KLB: variants seen among roughly 807,000 people sequenced by gnomAD.
KLB encodes beta-klotho.
In KLB, 44 loss-of-function variants were observed where a neutral mutation model predicts 88.4. The observed-to-expected ratio is 0.50, with a 90% confidence interval of 0.39 to 0.64. The LOEUF (loss-of-function observed/expected upper bound fraction) is 0.64, where lower values mean the gene tolerates loss of function less well. Among genes scored for constraint, KLB ranks in the 30% least tolerant of loss-of-function variants. The pLI, the probability that KLB is intolerant of heterozygous loss-of-function variation, is 0.00. For missense variants in KLB, 1,137 were observed against 1,304.8 expected, an observed-to-expected ratio of 0.87 and a Z score of 1.98; for synonymous variants, 548 against 513.4, an observed-to-expected ratio of 1.07 and a Z score of -0.91.
At chr4:39,448,087 T>A (rs1743800731) in intron 4 of KLB, among the ~76,000 whole-genome samples, 1 of 152,172 alleles carries the variant, frequency 6.6e-6, no homozygotes, top group African/African-American at 2.4e-5. Context: ...ATGGATCAAG[T>A]TTCACTACAA....
At chr4:39,439,723 A>G (rs1743556453) in intron 3 of KLB, among the ~76,000 whole-genome samples, 1 of 150,582 alleles carries the variant, frequency 6.6e-6, no homozygotes. Context: ...GCTGGAGTGC[A>G]ATGGTGCAAT....
chr4:39,423,964 A>G (rs1300901494), intron 1 of KLB, among the ~76,000 whole-genome samples: 2 of 151,924 alleles, frequency 1.3e-5, no homozygotes, highest in Non-Finnish European at 2.9e-5. Context: ...CTTGAGTTTG[A>G]GACCAGCCTG....
intron 1 of KLB, among the ~76,000 whole-genome samples, chr4:39,416,487 T>C (rs868626796): frequency 6.6e-6 from 1 of 152,168 alleles, no homozygotes; most frequent in Non-Finnish European, 1.5e-5. Context: ...GTATTTAAAC[T>C]GCAAAAACAA....
At chr4:39,420,851 T>C (rs370157741) in intron 1 of KLB, among the ~76,000 whole-genome samples, 1 of 150,862 alleles carries the variant, frequency 6.6e-6, no homozygotes, top group East Asian at 2.0e-4. Flanking sequence ...TGCATTTGTA[T>C]TGCAAAACAT....
At position 39,434,727 on chromosome 4, in the gene KLB, T is replaced by C. The variant is rs1743433822; in HGVS notation, c.1336+7T>C. The C allele has an allele frequency of 6.3e-7, 1 of 1,576,690 alleles. No homozygotes were observed. Among genetic ancestry groups the C allele is most frequent in the African/African-American group, 1.4e-5 (1 of 72,792 alleles). On this transcript the variant is annotated splice_region_variant and intron_variant, in intron 2 of 4. Coordinates refer to ENST00000257408, the MANE Select transcript of KLB (RefSeq NM_175737.4). ...CTCAGCCAGGTGCTTCAAGGTTGGTTGTACACTTGCTTAATTTTTTAAAAA... is the reference window on the plus strand; with the variant it reads ...CTCAGCCAGGTGCTTCAAGGTTGGTCGTACACTTGCTTAATTTTTTAAAAA...
intron 1 of KLB, among the ~76,000 whole-genome samples, chr4:39,413,169 A>G (rs1336743849): frequency 6.6e-6 from 1 of 152,118 alleles, no homozygotes; most frequent in Non-Finnish European, 1.5e-5. Flanking sequence ...CTCTCTCCCA[A>G]GTTTAGTTTT....
At chr4:39,430,994 G>A (rs932702821) in intron 1 of KLB, among the ~76,000 whole-genome samples, 2 of 150,730 alleles carry the variant, frequency 1.3e-5, no homozygotes, top group Non-Finnish European at 2.9e-5. Flanking sequence ...TCAGCTCACT[G>A]CAACCTCCGC....
intron 3 of KLB, among the ~76,000 whole-genome samples, chr4:39,439,870 G>A (rs12507413): frequency 0.48 from 72,228 of 151,802 alleles, 17,580 homozygotes; most frequent in Non-Finnish European, 0.5. Flanking sequence ...GTTTCACCAT[G>A]TTGGCCAAAC....
chr4:39,435,849 T>G (rs1431769694), intron 2 of KLB, among the ~76,000 whole-genome samples: 4 of 152,260 alleles, frequency 2.6e-5, no homozygotes, highest in Admixed American at 2.6e-4. Context: ...AAGATGCTGT[T>G]TCATTCCTTA....
chr4:39,416,611 G>T (rs750236108), intron 1 of KLB, among the ~76,000 whole-genome samples: 2 of 152,012 alleles, frequency 1.3e-5, no homozygotes, highest in Non-Finnish European at 2.9e-5. Flanking sequence ...TGAGACTTCG[G>T]TCTCTACAAA....
In KLB at chr4:39,449,504, A is replaced by G. The variant is rs1435922160; in HGVS notation, c.*818A>G. 1 of 151,532 alleles carries G rather than the reference A, an allele frequency of 6.6e-6. No homozygotes were observed. The highest frequency in any genetic ancestry group is 2.4e-5 in the African/African-American group (1 of 40,956). 9.4% of individuals were successfully genotyped at this position (151,532 alleles called of 1,614,324 possible). A position where few individuals can be genotyped will look rare whatever the true frequency, so the allele number is the denominator to read the frequency against. ...GGAAAGAAAACACAATAGGGTAAGT[A>G]GTGCTTGTCTAAGCCAGTTACAACA... On this transcript the variant is annotated 3_prime_UTR_variant, in exon 5 of 5. Coordinates refer to ENST00000257408, the MANE Select transcript of KLB (RefSeq NM_175737.4).
chr4:39,447,021 G>C lies in KLB; in HGVS notation c.2295G>C (p.Leu765=). 6.2e-7 allele frequency: 1 copy of C among 1,611,302 alleles called. No individual in the cohort carries two copies. Among genetic ancestry groups the C allele is most frequent in the Non-Finnish European group, 8.5e-7 (1 of 1,179,962 alleles). The change falls in exon 4 of 5, where the codon CTG becomes CTC. Residue 765 remains leucine (L), a synonymous_variant. Transcript: ENST00000257408. ...ACTGGAGGGCGGCCGAGCGCTTCCT[G>C]CAGTTCGAGATCGCCTGGTTCGCCG... The part of the protein sequence containing the change: ...DSHWRAAERF[L]QFEIAWFAEP...
intron 3 of KLB, among the ~76,000 whole-genome samples, chr4:39,441,291 A>G (rs1183906952): frequency 6.6e-6 from 1 of 152,186 alleles, no homozygotes; most frequent in Non-Finnish European, 1.5e-5. Context: ...CTTCCTTCAC[A>G]TGGCAGAGGC....
intron 2 of KLB, among the ~76,000 whole-genome samples, chr4:39,437,396 T>C (rs1743495064): frequency 6.6e-6 from 1 of 152,166 alleles, no homozygotes; most frequent in East Asian, 1.9e-4. Context: ...TGAGCACACA[T>C]ATGCATTTGT....
At position 39,450,458 on chromosome 4, in the gene KLB, C is replaced by T. The variant is rs1313342699; in HGVS notation, c.*1772C>T. Reference sequence around the variant, plus strand: ...AAGTTTCCAAAATACTGTAAAAATACAATTAGTCAATTTGAGTAAATGCAA... The same window carrying T: ...AAGTTTCCAAAATACTGTAAAAATATAATTAGTCAATTTGAGTAAATGCAA... On this transcript the variant is annotated 3_prime_UTR_variant, in exon 5 of 5. Coordinates refer to ENST00000257408, the MANE Select transcript of KLB (RefSeq NM_175737.4). 5 of 152,132 alleles carry T rather than the reference C, an allele frequency of 3.3e-5. No individual in the cohort carries two copies. The East Asian group carries it at 7.7e-4, about 23-fold the overall frequency. The allele number at this position is 152,132 out of a possible 1,614,324, so 9.4% of individuals were successfully genotyped here.
At chr4:39,410,526 C>T (rs1273708536) in intron 1 of KLB, among the ~76,000 whole-genome samples, 2 of 152,264 alleles carry the variant, frequency 1.3e-5, no homozygotes, top group South Asian at 2.1e-4. Flanking sequence ...GACCCAGTGA[C>T]GTATAGCACT....
At position 39,407,481 on chromosome 4, in the gene KLB, C is replaced by T; in HGVS notation, c.532C>T (p.Leu178Phe). ...AAAAGGTCTGCAGTACTACAGTACTCTTCTGGACGCTCTAGTGCTTAGAAA... is the reference window on the plus strand; with the variant it reads ...AAAAGGTCTGCAGTACTACAGTACTTTTCTGGACGCTCTAGTGCTTAGAAA... ...NAKGLQYYST[L>F]LDALVLRNIE... The change falls in exon 1 of 5, where the codon CTT becomes TTT. Residue 178 changes from leucine (L) to phenylalanine (F), a missense_variant. By Grantham distance (22) the Leu-to-Phe change is conservative (BLOSUM62 0). This residue lies in a region of KLB where 597 missense variants were observed against 765.2 expected (regional missense o/e 0.78). Coordinates refer to ENST00000257408, the MANE Select transcript of KLB (RefSeq NM_175737.4). 1 of 1,614,172 alleles carries T rather than the reference C, an allele frequency of 6.2e-7. No homozygotes were observed. The highest frequency in any genetic ancestry group is 8.5e-7 in the Non-Finnish European group (1 of 1,180,016).
rs1043814487 is a variant in KLB at position 39,451,124 on chromosome 4, T to C, written c.*2438T>C. ...CCTTCTCTGCCACTTGGGCATTATT[T>C]TACTAGTTTTTAAGCCATCATCGCA... On this transcript the variant is annotated 3_prime_UTR_variant, in exon 5 of 5. Coordinates refer to ENST00000257408, the MANE Select transcript of KLB (RefSeq NM_175737.4). The C allele has an allele frequency of 6.6e-6, 1 of 152,182 alleles. No homozygotes were observed. Among genetic ancestry groups the C allele is most frequent in the African/African-American group, 2.4e-5 (1 of 41,448 alleles). The allele number at this position is 152,182 out of a possible 1,614,324, so 9.4% of individuals were successfully genotyped here.
At chr4:39,412,285 A>G (rs1367469293) in intron 1 of KLB, among the ~76,000 whole-genome samples, 1 of 152,156 alleles carries the variant, frequency 6.6e-6, no homozygotes, top group African/African-American at 2.4e-5. Context: ...ATAAATAAAT[A>G]TTATCTATAC....
Sources: allele counts gnomAD v4.1 joint callset (sites outside exome capture counted in the v4.1 genomes callset), GRCh38; gene constraint gnomAD v4.1.1; regional missense constraint gnomAD v4.1.1; transcripts MANE v1.5; gene names NCBI Gene and HGNC (gene_info 2026-07-23, HGNC 2026-07-21).